The following TMEM138 variants were observed in gnomAD, a reference collection of about 807,000 sequenced individuals.
The protein encoded by TMEM138 is transmembrane protein 138.
A neutral mutation model predicts 18.1 loss-of-function variants in TMEM138; 9 were observed. The ratio of observed to expected loss-of-function variants is 0.50; its 90% CI spans 0.30 to 0.87. The LOEUF is 0.87. Ranked by LOEUF, TMEM138 falls within the 40% of genes least tolerant of loss-of-function variation. The pLI is 0.06. For missense variants in TMEM138, 189 were observed against 190.6 expected (o/e 0.99, Z 0.05); for synonymous variants, 79 against 74.8 (o/e 1.06, Z -0.29).
At chr11:61,366,024 T>C (rs370439716) in intron 2 of TMEM138, 21 bp from the exon 3 acceptor site, 120 of 1,603,534 alleles carry the variant, frequency 7.5e-5, no homozygotes, top group Non-Finnish European at 1.0e-4. Context: ...TCATTGGTTG[T>C]ACTTTTTTTT....
downstream of TMEM138, among the ~76,000 whole-genome samples, chr11:61,373,060 C>T (rs1437878806): frequency 6.6e-6 from 1 of 152,038 alleles, no homozygotes; most frequent in Non-Finnish European, 1.5e-5. Context: ...ATTCCTGGGT[C>T]TAAGAAGGAC....
At chr11:61,375,979 G>A (rs951931259), downstream of TMEM138, among the ~76,000 whole-genome samples, 1 of 152,182 alleles carries the variant, frequency 6.6e-6, no homozygotes, top group African/African-American at 2.4e-5. Flanking sequence ...GCTGGGCTCG[G>A]CTTTTAAAAA....
downstream of TMEM138, among the ~76,000 whole-genome samples, chr11:61,376,293 G>C (rs1858434503): frequency 6.6e-6 from 1 of 151,772 alleles, no homozygotes; most frequent in Non-Finnish European, 1.5e-5. Context: ...AGGTTGCAGT[G>C]AACTGAGATC....
chr11:61,364,914 G>A (rs1231486027), intron 2 of TMEM138: 1 of 151,734 alleles, frequency 6.6e-6, no homozygotes, highest in Non-Finnish European at 1.4e-5. Flanking sequence ...AAAGCCAGGT[G>A]TGGTGGTTCA....
downstream of TMEM138, among the ~76,000 whole-genome samples, chr11:61,374,142 CCTT>C (rs1187009575): frequency 2.1e-4 from 31 of 146,612 alleles, no homozygotes; most frequent in African/African-American, 7.3e-4. Flanking sequence ...TGCGCCCAGT[CCTT>C]TTTTTTTTTT....
chr11:61,371,779 C>T (rs887405029), downstream of TMEM138, among the ~76,000 whole-genome samples: 21 of 152,146 alleles, frequency 1.4e-4, no homozygotes, highest in African/African-American at 4.8e-4. Flanking sequence ...AATCAATAGA[C>T]GCAAGGTGTA....
intron 3 of TMEM138, 90 bp from the exon 4 acceptor site, chr11:61,367,833 A>T: frequency 1.3e-6 from 1 of 799,806 alleles, no homozygotes; most frequent in Non-Finnish European, 2.2e-6. Context: ...GCATGATTTT[A>T]AAGCAACTGG....
At chr11:61,370,123 T>C (rs200152385), downstream of TMEM138, among the ~76,000 whole-genome samples, 12 of 152,250 alleles carry the variant, frequency 7.9e-5, no homozygotes, top group East Asian at 2.1e-3. Flanking sequence ...CTGCAGGGAT[T>C]TTTCTCTTAG....
At chr11:61,368,461 C>T in intron 4 of TMEM138, 136 bp from the exon 5 acceptor site, 1 of 615,476 alleles carries the variant, frequency 1.6e-6, no homozygotes, top group South Asian at 1.8e-5. Flanking sequence ...TCTCTGACCT[C>T]ATGATCCGCC....
intron 3 of TMEM138, chr11:61,366,432 G>T: frequency 2.1e-6 from 1 of 484,410 alleles, no homozygotes; most frequent in Non-Finnish European, 3.6e-6. Flanking sequence ...TTCCTGAATC[G>T]CTAAAGGGCT....
chr11:61,365,856 G>C, intron 2 of TMEM138, 189 bp from the exon 3 acceptor site: 1 of 586,606 alleles, frequency 1.7e-6, no homozygotes, highest in Non-Finnish European at 2.8e-6. Context: ...GGGCCAGTGG[G>C]TAATTTTAGG....
chr11:61,368,961 A>ATTTCCTT lies in TMEM138; in HGVS notation c.*252_*253insTTTCCTT. 3 of 456,266 alleles carry ATTTCCTT rather than the reference A, an allele frequency of 6.6e-6. No individual in the cohort carries two copies. In the South Asian group the frequency reaches 7.6e-5, roughly 12 times the overall value. 28.3% of individuals were successfully genotyped at this position (456,266 alleles called of 1,614,324 possible). A position where few individuals can be genotyped will look rare whatever the true frequency, so the allele number is the denominator to read the frequency against. ...CCCCTTTCCTTCCTTTCCTCTCTGTACCATTCATTCTCCCTGACCGGCCTT... is the reference window on the plus strand; with the variant it reads ...CCCCTTTCCTTCCTTTCCTCTCTGTATTTCCTTCCATTCATTCTCCCTGACCGGCCTT... On this transcript the variant is annotated 3_prime_UTR_variant, in exon 5 of 5. Coordinates refer to ENST00000278826, the MANE Select transcript of TMEM138 (RefSeq NM_016464.5).
chr11:61,370,735 C>T (rs1041676286), downstream of TMEM138, among the ~76,000 whole-genome samples: 11 of 152,122 alleles, frequency 7.2e-5, no homozygotes, highest in East Asian at 3.8e-4. Flanking sequence ...AGTAAATATT[C>T]GAGGTCTTGA....
At chr11:61,365,030 A>G (rs1237179377) in intron 2 of TMEM138, among the ~76,000 whole-genome samples, 2 of 151,808 alleles carry the variant, frequency 1.3e-5, no homozygotes, top group African/African-American at 4.8e-5. Context: ...TCTACTAAAA[A>G]TACAAAAATT....
chr11:61,365,231 A>T (rs1431436055), intron 2 of TMEM138, among the ~76,000 whole-genome samples: 1 of 152,050 alleles, frequency 6.6e-6, no homozygotes, highest in African/African-American at 2.4e-5. Flanking sequence ...CCTGGGCAAC[A>T]TAGTGAGACC....
At chr11:61,371,760 A>G (rs554387530), downstream of TMEM138, among the ~76,000 whole-genome samples, 38 of 152,382 alleles carry the variant, frequency 2.5e-4, no homozygotes, top group South Asian at 7.2e-3. Flanking sequence ...AGTTACAATC[A>G]GAGACATAAA....
chr11:61,365,117 G>T (rs982570682), intron 2 of TMEM138, among the ~76,000 whole-genome samples: 1 of 150,984 alleles, frequency 6.6e-6, no homozygotes, highest in African/African-American at 2.4e-5. Context: ...GAACCTGGGA[G>T]GCAGAGGTTG....
downstream of TMEM138, among the ~76,000 whole-genome samples, chr11:61,370,687 TG>T (rs1352404120): frequency 2.6e-5 from 4 of 152,230 alleles, no homozygotes; most frequent in African/African-American, 9.6e-5. Flanking sequence ...AGAGATGCTT[TG>T]GCAGGGTCGC....
chr11:61,369,710 C>T (rs955842769), downstream of TMEM138, among the ~76,000 whole-genome samples: 21 of 152,292 alleles, frequency 1.4e-4, no homozygotes, highest in East Asian at 1.5e-3. Context: ...TAGGCAGCTG[C>T]GATGGCCTTG....
Sources: allele counts gnomAD v4.1 joint callset (sites outside exome capture counted in the v4.1 genomes callset), GRCh38; gene constraint gnomAD v4.1.1; transcripts MANE v1.5; gene names NCBI Gene and HGNC (gene_info 2026-07-23, HGNC 2026-07-21).